The following GALNT17 variants were observed in gnomAD, a reference collection of about 807,000 sequenced individuals.
GALNT17 encodes polypeptide N-acetylgalactosaminyltransferase 17, also known as UDP-GalNAc:polypeptide N-acetylgalactosaminyltransferase-like 3.
GALNT17 carries 29 observed loss-of-function variants against 63.7 expected under a neutral mutation model. The observed-to-expected ratio is 0.46, with a 90% CI of 0.34 to 0.62. The LOEUF is 0.62. Ranked by LOEUF, GALNT17 falls within the 20% of genes least tolerant of loss-of-function variation. The probability of loss-of-function intolerance (pLI) is 0.01; values close to 1 mark genes in which losing one functional copy is unlikely to be tolerated. For missense variants in GALNT17, 603 were observed against 799.6 expected, an observed-to-expected ratio of 0.75 and a Z score of 2.97; for synonymous variants, 305 against 318.3, an observed-to-expected ratio of 0.96 and a Z score of 0.45.
intron 6 of GALNT17, among the ~76,000 whole-genome samples, chr7:71,643,329 G>A (rs149929751): frequency 0.097 from 14,783 of 152,012 alleles, 2,201 homozygotes; most frequent in African/African-American, 0.33. Context: ...TTAGGTGGGC[G>A]TGGTGGCGTG....
intron 1 of GALNT17, among the ~76,000 whole-genome samples, chr7:71,321,867 T>TTCCCTTCCTTCCTTCCTTCCTTCC (rs1272306510): frequency 6.4e-5 from 3 of 46,834 alleles, no homozygotes; most frequent in East Asian, 8.0e-4. Flanking sequence ...CCTTCCTTCC[T>TTCCCTTCCTTCCTTCCTTCCTTCC]TTCCTTCCTT....
At chr7:71,143,054 A>G (rs1036290170) in intron 1 of GALNT17, among the ~76,000 whole-genome samples, 3 of 152,270 alleles carry the variant, frequency 2.0e-5, no homozygotes, top group Middle Eastern at 3.4e-3. Context: ...AACACTTAGA[A>G]ATTTTCATGC....
intron 1 of GALNT17, among the ~76,000 whole-genome samples, chr7:71,324,624 C>CA (rs2116026898): frequency 6.6e-6 from 1 of 152,270 alleles, no homozygotes; most frequent in Non-Finnish European, 1.5e-5. Context: ...TGCCACTGCA[C>CA]TGCAGCCTGG....
At chr7:71,511,549 C>G (rs901703832) in intron 5 of GALNT17, among the ~76,000 whole-genome samples, 5 of 152,162 alleles carry the variant, frequency 3.3e-5, no homozygotes, top group Non-Finnish European at 5.9e-5. Context: ...TTCTCCAGCC[C>G]CATGTGGCCC....
chr7:71,463,723 G>T (rs752502041), intron 5 of GALNT17, among the ~76,000 whole-genome samples: 1 of 152,140 alleles, frequency 6.6e-6, no homozygotes, highest in Non-Finnish European at 1.5e-5. Context: ...ACCACATAGG[G>T]TAACTTCCGG....
At chr7:71,691,883 CCTTT>C (rs1178172635) in intron 9 of GALNT17, among the ~76,000 whole-genome samples, 8 of 7,622 alleles carry the variant, frequency 1.0e-3, no homozygotes, top group Non-Finnish European at 3.2e-3. Flanking sequence ...TTCTTTCCTT[CCTTT>C]CTTCCTTCCT....
At position 71,265,114 on chromosome 7, in the gene GALNT17, ATATATTTTTTTTTT is replaced by A. The variant is rs1249819606; in HGVS notation, c.239-70434_239-70421del. Among the ~76,000 whole-genome samples, 32 of 40,118 alleles carry A rather than the reference ATATATTTTTTTTTT, an allele frequency of 8.0e-4. 3 individuals carry two copies. Among genetic ancestry groups the A allele is most frequent in the East Asian group, 1.8e-3 (3 of 1,650 alleles). 26.3% of individuals were successfully genotyped at this position (40,118 alleles called of 152,430 possible). On this transcript the variant is annotated intron_variant, in intron 1 of 10. Coordinates refer to ENST00000333538, the MANE Select transcript of GALNT17 (RefSeq NM_022479.3). ...CCATAAATATTATATATATATATAT[ATATATTTTTTTTTT>A]TTTTTTTTTTTTTTTTGAGATGGAG...
chr7:71,601,086 T>C (rs1789960280), intron 6 of GALNT17, among the ~76,000 whole-genome samples: 1 of 152,094 alleles, frequency 6.6e-6, no homozygotes, highest in Non-Finnish European at 1.5e-5. Flanking sequence ...GCAAATGCTG[T>C]TAATTTATTC....
rs149629837 is a variant in GALNT17, at chr7:71,630,591, A to G, written c.1081-34820A>G. 6.6e-5 allele frequency among the ~76,000 whole-genome samples: 10 copies of G among 152,332 alleles called. No individual in the cohort carries two copies. The East Asian group carries it at 1.9e-3, about 29-fold the overall frequency. ...ACCCATTTAGTGGACAATCTCATCA[A>G]TGTTTGCATGGAATGTAAAAATCAG... On this transcript the variant is annotated intron_variant, in intron 6 of 10. Transcript: ENST00000333538.
intron 1 of GALNT17, among the ~76,000 whole-genome samples, chr7:71,212,872 G>C (rs1789408363): frequency 6.6e-6 from 1 of 152,190 alleles, no homozygotes; most frequent in Non-Finnish European, 1.5e-5. Context: ...TATCTAGGAA[G>C]TAACTAGCTT....
intron 3 of GALNT17, among the ~76,000 whole-genome samples, chr7:71,412,715 T>A (rs886707054): frequency 5.9e-5 from 9 of 152,200 alleles, no homozygotes; most frequent in Non-Finnish European, 1.2e-4. Flanking sequence ...CTCATCAACT[T>A]GTTCTTCTCT....
chr7:71,393,770 T>C (rs1421805261), intron 3 of GALNT17, among the ~76,000 whole-genome samples: 1 of 152,176 alleles, frequency 6.6e-6, no homozygotes, highest in East Asian at 1.9e-4. Context: ...GTTTGAATAT[T>C]GACATTGGCC....
chr7:71,145,690 A>G (rs1433550442), intron 1 of GALNT17, among the ~76,000 whole-genome samples: 1 of 152,106 alleles, frequency 6.6e-6, no homozygotes, highest in Non-Finnish European at 1.5e-5. Context: ...TATAAAGTTC[A>G]TACGGGTTTC....
chr7:71,366,578 T>TCAAA (rs141197671), intron 2 of GALNT17, among the ~76,000 whole-genome samples: 24,294 of 151,776 alleles, frequency 0.16, 2,324 homozygotes, highest in African/African-American at 0.26. Flanking sequence ...AGACTCTGTC[T>TCAAA]CAAACAAACA....
intron 8 of GALNT17, among the ~76,000 whole-genome samples, chr7:71,675,570 C>A (rs973973126): frequency 3.9e-5 from 6 of 152,060 alleles, no homozygotes; most frequent in Non-Finnish European, 7.4e-5. Context: ...CTGCAGTGAG[C>A]TATGATTGCA....
chr7:71,250,989 C>T (rs1351280077), intron 1 of GALNT17, among the ~76,000 whole-genome samples: 1 of 152,198 alleles, frequency 6.6e-6, no homozygotes, highest in Non-Finnish European at 1.5e-5. Context: ...TAGGTGAAAG[C>T]ATAAGCATTT....
chr7:71,552,816 A>G (rs1317914462), intron 5 of GALNT17, among the ~76,000 whole-genome samples: 1 of 152,156 alleles, frequency 6.6e-6, no homozygotes, highest in Non-Finnish European at 1.5e-5. Flanking sequence ...GTTGCCCATT[A>G]TTAGTGGGCA....
chr7:71,665,569 G>A lies in GALNT17; in HGVS notation c.1239G>A (p.Val413=). 1 of 1,613,816 alleles carries A rather than the reference G, an allele frequency of 6.2e-7. No homozygotes were observed. Among genetic ancestry groups the A allele is most frequent in the Non-Finnish European group, 8.5e-7 (1 of 1,179,942 alleles). ...GGATGGACGATTACAAGTCTCATGTGTACATAGCGTGGAACCTGCCGCTGG... is the reference window on the plus strand; with the variant it reads ...GGATGGACGATTACAAGTCTCATGTATACATAGCGTGGAACCTGCCGCTGG... ...EVWMDDYKSH[V]YIAWNLPLEN... The change falls in exon 7 of 11, where the codon GTG becomes GTA. Residue 413 remains valine (V), a synonymous_variant. Coordinates refer to ENST00000333538, the MANE Select transcript of GALNT17 (RefSeq NM_022479.3).
intron 3 of GALNT17, among the ~76,000 whole-genome samples, chr7:71,395,268 T>C (rs2116366834): frequency 6.6e-6 from 1 of 152,316 alleles, no homozygotes; most frequent in Non-Finnish European, 1.5e-5. Context: ...CCTTGCCAAA[T>C]ATTAATGTAT....
Sources: gnomAD v4.1 joint callset for allele counts (sites outside exome capture counted in the v4.1 genomes callset) on GRCh38, gnomAD v4.1.1 for gene constraint, MANE v1.5 for transcripts, NCBI Gene and HGNC (gene_info 2026-07-23, HGNC 2026-07-21) for gene names.